The following CNTN4 variants were observed in gnomAD, a reference collection of about 807,000 sequenced individuals.
The protein encoded by CNTN4 is contactin 4.
A neutral mutation model predicts 122.5 loss-of-function variants in CNTN4; 77 were observed. The observed-to-expected ratio is 0.63, with a 90% confidence interval of 0.52 to 0.76. CNTN4 has a LOEUF of 0.76. Ranked by LOEUF, CNTN4 falls within the 30% of genes least tolerant of loss-of-function variation. CNTN4 has a pLI of 0.00. For synonymous variants in CNTN4, 512 were observed against 447.0 expected (o/e 1.15, Z -1.83); for missense variants, 1,256 against 1,259.1 (o/e 1.00, Z 0.04).
At chr3:2,381,652 C>G (rs1266027914) in intron 3 of CNTN4, among the ~76,000 whole-genome samples, 3 of 152,128 alleles carry the variant, frequency 2.0e-5, no homozygotes, top group Non-Finnish European at 4.4e-5. Context: ...TGAAGACTTT[C>G]AAACTGATTT....
intron 2 of CNTN4, among the ~76,000 whole-genome samples, chr3:2,127,637 AACCCCACCCATT>A (rs72178874): frequency 0.16 from 23,916 of 152,134 alleles, 2,136 homozygotes; most frequent in South Asian, 0.37. Context: ...AATGCCCCAC[AACCCCACCCATT>A]ACAGAAGGAT....
intron 8 of CNTN4, among the ~76,000 whole-genome samples, chr3:2,882,179 A>G (rs2093919005): frequency 6.6e-6 from 1 of 152,146 alleles, no homozygotes; most frequent in African/African-American, 2.4e-5. Context: ...CCTGGCCAAC[A>G]TGGTGAAACC....
chr3:2,777,298 A>G (rs1403467651), intron 6 of CNTN4, among the ~76,000 whole-genome samples: 2 of 152,232 alleles, frequency 1.3e-5, no homozygotes, highest in African/African-American at 4.8e-5. Flanking sequence ...ATCTCAGGTT[A>G]ATTATGCTTC....
chr3:2,104,508 T>G (rs2032272993), intron 2 of CNTN4, among the ~76,000 whole-genome samples: 1 of 151,984 alleles, frequency 6.6e-6, no homozygotes, highest in African/African-American at 2.4e-5. Flanking sequence ...TTCCTTAGAG[T>G]TTTATGGCTT....
At chr3:2,931,714 G>C (rs918005829) in intron 13 of CNTN4, among the ~76,000 whole-genome samples, 1 of 152,026 alleles carries the variant, frequency 6.6e-6, no homozygotes, top group Non-Finnish European at 1.5e-5. Context: ...CTGCAGCCTT[G>C]AACTCCTGGG....
At chr3:3,016,159 T>C (rs983773356) in intron 14 of CNTN4, among the ~76,000 whole-genome samples, 1 of 152,190 alleles carries the variant, frequency 6.6e-6, no homozygotes. Flanking sequence ...AGGCACGCCA[T>C]AGAGTGATTT....
chr3:2,186,151 A>T (rs950413066), intron 2 of CNTN4, among the ~76,000 whole-genome samples: 1 of 149,842 alleles, frequency 6.7e-6, no homozygotes, highest in African/African-American at 2.5e-5. Context: ...TCATTGTTCA[A>T]TTCCCACCTA....
chr3:2,776,153 G>A (rs1421210719), intron 6 of CNTN4, among the ~76,000 whole-genome samples: 1 of 152,158 alleles, frequency 6.6e-6, no homozygotes, highest in Non-Finnish European at 1.5e-5. Flanking sequence ...TGGCTCCAAA[G>A]TGGGGAGATT....
intron 3 of CNTN4, among the ~76,000 whole-genome samples, chr3:2,435,984 G>C (rs1037920791): frequency 2.6e-5 from 4 of 152,172 alleles, no homozygotes; most frequent in Non-Finnish European, 5.9e-5. Flanking sequence ...TCAAAAAACT[G>C]TTTATATCTC....
At chr3:2,131,610 A>G (rs1243348791) in intron 2 of CNTN4, among the ~76,000 whole-genome samples, 1 of 152,228 alleles carries the variant, frequency 6.6e-6, no homozygotes, top group Non-Finnish European at 1.5e-5. Context: ...GATTGCTGTC[A>G]GCAAAAGATG....
chr3:2,242,074 T>C (rs183314722), intron 2 of CNTN4, among the ~76,000 whole-genome samples: 5 of 152,280 alleles, frequency 3.3e-5, no homozygotes, highest in African/African-American at 7.2e-5. Flanking sequence ...CAAAAACTTA[T>C]ATTAGTACTA....
intron 7 of CNTN4, among the ~76,000 whole-genome samples, chr3:2,853,717 C>G (rs1238425040): frequency 6.6e-6 from 1 of 152,186 alleles, no homozygotes; most frequent in Non-Finnish European, 1.5e-5. Context: ...AGCATGGACA[C>G]TTTGCGCTCG....
At chr3:2,499,069 G>A (rs1178427853) in intron 3 of CNTN4, among the ~76,000 whole-genome samples, 2 of 152,306 alleles carry the variant, frequency 1.3e-5, no homozygotes, top group East Asian at 1.9e-4. Context: ...GATTACAGGC[G>A]TAAGCCACTA....
chr3:2,828,757 T>TTGTG (rs1202642050), intron 7 of CNTN4, among the ~76,000 whole-genome samples: 10 of 152,164 alleles, frequency 6.6e-5, no homozygotes, highest in Non-Finnish European at 1.3e-4. Flanking sequence ...TTTGTTTTTC[T>TTGTG]TGTGACAGGA....
At chr3:2,655,393 T>A (rs2083542599) in intron 4 of CNTN4, among the ~76,000 whole-genome samples, 2 of 152,204 alleles carry the variant, frequency 1.3e-5, no homozygotes. Context: ...TGGTTCTGTA[T>A]GCCCTTCACC....
At chr3:2,727,244 T>A (rs1179793994) in intron 4 of CNTN4, among the ~76,000 whole-genome samples, 2 of 152,178 alleles carry the variant, frequency 1.3e-5, no homozygotes, top group Non-Finnish European at 2.9e-5. Flanking sequence ...CAGTGTTACA[T>A]AATAGCATCC....
chr3:2,166,247 C>T (rs1357672152), intron 2 of CNTN4, among the ~76,000 whole-genome samples: 6 of 151,942 alleles, frequency 3.9e-5, no homozygotes, highest in African/African-American at 1.2e-4. Context: ...ATCAGGGAAA[C>T]GCAAATCAAA....
At chr3:2,916,979 G>A (rs1427987130) in intron 12 of CNTN4, among the ~76,000 whole-genome samples, 6 of 130,126 alleles carry the variant, frequency 4.6e-5, no homozygotes, top group African/African-American at 1.1e-4. Flanking sequence ...GCAGCGAGCC[G>A]AGATCACGCC....
chr3:2,399,039 T>C (rs557611592), intron 3 of CNTN4, among the ~76,000 whole-genome samples: 213 of 151,922 alleles, frequency 1.4e-3, no homozygotes, highest in African/African-American at 4.9e-3. Flanking sequence ...AGAAGCAACA[T>C]ACAGAAAATA....
Sources: allele counts gnomAD v4.1 joint callset (sites outside exome capture counted in the v4.1 genomes callset), GRCh38; gene constraint gnomAD v4.1.1; transcripts MANE v1.5; gene names NCBI Gene and HGNC (gene_info 2026-07-23, HGNC 2026-07-21).